The following OSBPL6 variants were observed in gnomAD, a reference collection of about 807,000 sequenced individuals.
OSBPL6 encodes the protein oxysterol binding protein like 6, also known as oxysterol-binding protein-related protein 6.
Under a neutral mutation model 125.8 loss-of-function variants are expected in OSBPL6, and 49 were observed. That is an observed-to-expected ratio of 0.39 (90% CI 0.31 to 0.49). The LOEUF is 0.49. Ranked by LOEUF, OSBPL6 falls within the 20% of genes least tolerant of loss-of-function variation. The probability of loss-of-function intolerance (pLI) is 0.88; values close to 1 mark genes in which losing one functional copy is unlikely to be tolerated. For missense variants in OSBPL6, 986 were observed against 1,135.4 expected (o/e 0.87, Z 1.89); for synonymous variants, 394 against 391.8 (o/e 1.01, Z -0.07).
intron 17 of OSBPL6, 25 bp downstream of exon 17, chr2:178,383,302 G>A (rs755780292): frequency 9.3e-5 from 149 of 1,606,568 alleles, no homozygotes; most frequent in Non-Finnish European, 1.2e-4. Context: ...ACAGAGCAGC[G>A]CCCCTCAGGG....
chr2:178,287,637 G>A (rs1257614344), intron 2 of OSBPL6, among the ~76,000 whole-genome samples: 1 of 152,018 alleles, frequency 6.6e-6, no homozygotes, highest in Non-Finnish European at 1.5e-5. Context: ...GGAATTTCAG[G>A]TGATTGATAT....
chr2:178,304,179 T>A (rs1042156611), intron 2 of OSBPL6, among the ~76,000 whole-genome samples: 2 of 152,102 alleles, frequency 1.3e-5, no homozygotes, highest in Admixed American at 6.6e-5. Flanking sequence ...CATGTCGTCA[T>A]ATGGCAGGAA....
At chr2:178,278,046 G>A (rs1049293896) in intron 1 of OSBPL6, among the ~76,000 whole-genome samples, 3 of 152,122 alleles carry the variant, frequency 2.0e-5, no homozygotes, top group African/African-American at 7.2e-5. Context: ...TAAGCTCTGA[G>A]CTCTGAACTA....
intron 1 of OSBPL6, among the ~76,000 whole-genome samples, chr2:178,226,787 C>G (rs1472422610): frequency 6.6e-6 from 1 of 152,186 alleles, no homozygotes; most frequent in Middle Eastern, 3.4e-3. Context: ...AACGGATTTC[C>G]TTAGTTTTCT....
chr2:178,198,675 G>T (rs566360865), intron 1 of OSBPL6, among the ~76,000 whole-genome samples: 1 of 137,786 alleles, frequency 7.3e-6, no homozygotes, highest in Non-Finnish European at 1.6e-5. Flanking sequence ...GCGGCACAAA[G>T]AGGTTAAGTA....
intron 4 of OSBPL6, among the ~76,000 whole-genome samples, chr2:178,326,767 A>G (rs1027025569): frequency 6.6e-6 from 1 of 152,202 alleles, no homozygotes; most frequent in South Asian, 2.1e-4. Context: ...TGTGAGAACT[A>G]TAGTAGGATT....
intron 11 of OSBPL6, among the ~76,000 whole-genome samples, chr2:178,347,445 A>T (rs1013350567): frequency 6.7e-5 from 9 of 134,922 alleles, no homozygotes; most frequent in African/African-American, 2.5e-4. Context: ...GTCTCTCCCC[A>T]TGACATCCTA....
At chr2:178,292,324 AT>A (rs1307653584) in intron 2 of OSBPL6, among the ~76,000 whole-genome samples, 1 of 152,184 alleles carries the variant, frequency 6.6e-6, no homozygotes, top group East Asian at 1.9e-4. Context: ...ATTTTACTTT[AT>A]TCACTTTGCA....
chr2:178,289,351 T>C (rs1378125558), intron 2 of OSBPL6, among the ~76,000 whole-genome samples: 1 of 152,214 alleles, frequency 6.6e-6, no homozygotes, highest in East Asian at 1.9e-4. Context: ...ATACATTTCA[T>C]TTGAAAAAAT....
rs890233974 is a variant in OSBPL6 at position 178,224,664 on chromosome 2, G to A, written c.-351+29990G>A. On this transcript the variant is annotated intron_variant, in intron 1 of 24. Coordinates refer to ENST00000190611, the MANE Select transcript of OSBPL6 (RefSeq NM_032523.4). ...TTAAAGTCAGTTCTGGCCAGGTGTG[G>A]TGGCTTAACCCTGTAATCCCAGCAC... 5.3e-5 allele frequency among the ~76,000 whole-genome samples: 8 copies of A among 152,182 alleles called. No homozygotes were observed. In the South Asian group the frequency reaches 1.0e-3, roughly 20 times the overall value.
intron 13 of OSBPL6, 125 bp downstream of exon 13, chr2:178,361,940 C>A: frequency 8.6e-7 from 1 of 1,161,176 alleles, no homozygotes; most frequent in Non-Finnish European, 1.2e-6. Context: ...TGCAGAATTT[C>A]CCCCAAAAGA....
At chr2:178,210,640 G>A (rs1230933920) in intron 1 of OSBPL6, among the ~76,000 whole-genome samples, 1 of 151,832 alleles carries the variant, frequency 6.6e-6, no homozygotes, top group Non-Finnish European at 1.5e-5. Context: ...GTGAAACCCC[G>A]CTTCTACTAA....
intron 1 of OSBPL6, among the ~76,000 whole-genome samples, chr2:178,259,333 T>C (rs1463683082): frequency 6.6e-6 from 1 of 152,182 alleles, no homozygotes; most frequent in African/African-American, 2.4e-5. Flanking sequence ...CTTTTTAAGG[T>C]CAAGCGCTGA....
chr2:178,313,955 A>G (rs948525723), intron 3 of OSBPL6, among the ~76,000 whole-genome samples: 2 of 152,240 alleles, frequency 1.3e-5, no homozygotes, highest in Non-Finnish European at 2.9e-5. Flanking sequence ...CCAGACAGTA[A>G]AAATGTCTCT....
At position 178,259,108 on chromosome 2, in the gene OSBPL6, G is replaced by A. The variant is rs143515091; in HGVS notation, c.-350-25819G>A. On this transcript the variant is annotated intron_variant, in intron 1 of 24. Transcript: ENST00000190611. ...TGTTTCTCTTCTGAAGGTTGTTGTTGGAGGAGATGCCACATTGTGAAGTAG... is the reference window on the plus strand; with the variant it reads ...TGTTTCTCTTCTGAAGGTTGTTGTTAGAGGAGATGCCACATTGTGAAGTAG... 3.7e-3 allele frequency among the ~76,000 whole-genome samples: 563 copies of A among 152,236 alleles called. 1 individual carries two copies. Among genetic ancestry groups the A allele is most frequent in the Non-Finnish European group, 6.2e-3 (425 of 68,014 alleles).
At position 178,358,927 on chromosome 2, in the gene OSBPL6, T is replaced by C. The variant is rs187746732; in HGVS notation, c.1154-2755T>C. Among the ~76,000 whole-genome samples the C allele has an allele frequency of 3.9e-5, 6 of 152,150 alleles. 1 individual carries two copies. The South Asian group carries it at 8.3e-4, about 21-fold the overall frequency. On this transcript the variant is annotated intron_variant, in intron 12 of 24. Transcript: ENST00000190611. ...TGTATAAAGAACTCATACAACTCAATAGGAAGAAAACGTATAACCTTTACT... is the reference window on the plus strand; with the variant it reads ...TGTATAAAGAACTCATACAACTCAACAGGAAGAAAACGTATAACCTTTACT...
intron 3 of OSBPL6, among the ~76,000 whole-genome samples, chr2:178,310,374 A>G (rs531032229): frequency 3.3e-5 from 5 of 151,688 alleles, no homozygotes; most frequent in Admixed American, 2.0e-4. Context: ...TTGGATTTTA[A>G]GAAAGCACCT....
At chr2:178,226,916 G>A (rs138299156) in intron 1 of OSBPL6, among the ~76,000 whole-genome samples, 275 of 152,272 alleles carry the variant, frequency 1.8e-3, no homozygotes, top group African/African-American at 6.5e-3. Flanking sequence ...TTAATCTAAA[G>A]AGGCCTTATT....
chr2:178,255,432 C>T (rs930635941), intron 1 of OSBPL6, among the ~76,000 whole-genome samples: 4 of 152,250 alleles, frequency 2.6e-5, no homozygotes, highest in African/African-American at 9.6e-5. Context: ...GGGAAAAACG[C>T]TCCCCAGGGA....
Sources: gnomAD v4.1 joint callset for allele counts (sites outside exome capture counted in the v4.1 genomes callset) on GRCh38, gnomAD v4.1.1 for gene constraint, MANE v1.5 for transcripts, NCBI Gene and HGNC (gene_info 2026-07-23, HGNC 2026-07-21) for gene names.